EML4: variants seen among roughly 807,000 people sequenced by gnomAD.
The protein encoded by EML4 is echinoderm microtubule-associated protein-like 4.
In EML4, 72 loss-of-function variants were observed where a neutral mutation model predicts 129.0. The observed-to-expected ratio is 0.56, with a 90% confidence interval of 0.46 to 0.68. The LOEUF (loss-of-function observed/expected upper bound fraction) is 0.68. Ranked by LOEUF, EML4 falls within the 30% of genes least tolerant of loss-of-function variation. EML4 has a pLI of 0.00. For missense variants in EML4, 1,363 were observed against 1,190.6 expected (o/e 1.14, Z -2.13); for synonymous variants, 532 against 405.0 (o/e 1.31, Z -3.77).
chr2:42,243,929 A>T (rs1433287926), intron 1 of EML4, among the ~76,000 whole-genome samples: 1 of 152,192 alleles, frequency 6.6e-6, no homozygotes, highest in African/African-American at 2.4e-5. Flanking sequence ...AGTCATTTAA[A>T]TGATCTCAGT....
intron 1 of EML4, among the ~76,000 whole-genome samples, chr2:42,213,151 C>T (rs532517283): frequency 6.6e-6 from 1 of 152,200 alleles, no homozygotes; most frequent in Admixed American, 6.5e-5. Flanking sequence ...TAATTGAAGT[C>T]TACCTTAACG....
At chr2:42,187,045 G>A in intron 1 of EML4, among the ~76,000 whole-genome samples, 1 of 139,226 alleles carries the variant, frequency 7.2e-6, no homozygotes, top group South Asian at 2.5e-4. Context: ...TCCTTTTTTT[G>A]GAGCGGGGGG....
intron 1 of EML4, among the ~76,000 whole-genome samples, chr2:42,198,671 G>C (rs1314581755): frequency 6.6e-6 from 1 of 152,214 alleles, no homozygotes; most frequent in South Asian, 2.1e-4. Context: ...TGAGAAGTAT[G>C]AGGTGGAGGT....
chr2:42,239,776 G>T (rs1674900861), intron 1 of EML4, among the ~76,000 whole-genome samples: 1 of 150,280 alleles, frequency 6.7e-6, no homozygotes, highest in Non-Finnish European at 1.5e-5. Flanking sequence ...GCGGCGGGGG[G>T]TGGGGTGTAA....
At chr2:42,191,967 C>G (rs1247363262) in intron 1 of EML4, among the ~76,000 whole-genome samples, 2 of 151,984 alleles carry the variant, frequency 1.3e-5, no homozygotes, top group Non-Finnish European at 2.9e-5. Flanking sequence ...CGGTGAAACT[C>G]CATCCCTACT....
intron 6 of EML4, among the ~76,000 whole-genome samples, chr2:42,267,813 C>G (rs950375310): frequency 5.3e-5 from 8 of 152,134 alleles, no homozygotes; most frequent in Admixed American, 2.0e-4. Context: ...TCATTACTCT[C>G]TCCCCTAGTT....
intron 1 of EML4, among the ~76,000 whole-genome samples, chr2:42,212,761 C>A (rs1672959558): frequency 6.6e-6 from 1 of 152,140 alleles, no homozygotes; most frequent in South Asian, 2.1e-4. Context: ...TCCCAGGGCA[C>A]CACAGTACCA....
chr2:42,192,862 T>G (rs911174784), intron 1 of EML4, among the ~76,000 whole-genome samples: 1 of 152,118 alleles, frequency 6.6e-6, no homozygotes, highest in African/African-American at 2.4e-5. Flanking sequence ...GACCCTGAGA[T>G]TCTTGGTGCA....
chr2:42,208,846 G>T (rs1672720335), intron 1 of EML4, among the ~76,000 whole-genome samples: 1 of 151,196 alleles, frequency 6.6e-6, no homozygotes, highest in African/African-American at 2.4e-5. Context: ...TTAAAGCTTG[G>T]TAAATTATTA....
chr2:42,191,781 C>CGG (rs1558488187), intron 1 of EML4, among the ~76,000 whole-genome samples: 1 of 152,052 alleles, frequency 6.6e-6, no homozygotes, highest in African/African-American at 2.4e-5. Flanking sequence ...CTAGTTTTGC[C>CGG]GGGCGTGGTG....
intron 1 of EML4, among the ~76,000 whole-genome samples, chr2:42,237,057 G>C (rs1190653707): frequency 6.6e-6 from 1 of 152,082 alleles, no homozygotes; most frequent in African/African-American, 2.4e-5. Context: ...TCCCACCTCA[G>C]CCTCCTAAGT....
intron 19 of EML4, among the ~76,000 whole-genome samples, chr2:42,321,639 C>G (rs1427910201): frequency 6.6e-6 from 1 of 152,124 alleles, no homozygotes; most frequent in Non-Finnish European, 1.5e-5. Context: ...AAGCCCCACA[C>G]AATGACTTCT....
At chr2:42,280,739 C>A in intron 6 of EML4, 111 bp from the exon 7 acceptor site, 1 of 789,960 alleles carries the variant, frequency 1.3e-6, no homozygotes, top group Non-Finnish European at 2.0e-6. Flanking sequence ...GAGACTAAAA[C>A]TTTGAAGTAG....
chr2:42,171,970 G>C (rs1238933414), intron 1 of EML4, among the ~76,000 whole-genome samples: 1 of 152,074 alleles, frequency 6.6e-6, no homozygotes, highest in African/African-American at 2.4e-5. Flanking sequence ...AATTAGCCTA[G>C]AGCTTAGAGT....
chr2:42,312,946 C>CTTTTT (rs753939714), intron 17 of EML4, among the ~76,000 whole-genome samples: 1 of 114,302 alleles, frequency 8.7e-6, no homozygotes, highest in African/African-American at 3.7e-5. Flanking sequence ...CAATGTATAT[C>CTTTTT]TTTTTTTTTT....
chr2:42,283,648 T>A (rs1436040646), intron 8 of EML4, among the ~76,000 whole-genome samples: 2 of 152,166 alleles, frequency 1.3e-5, no homozygotes, highest in Non-Finnish European at 2.9e-5. Context: ...AGAAAAAAAT[T>A]AATAGATGAC....
At chr2:42,228,196 G>A (rs1674098734) in intron 1 of EML4, among the ~76,000 whole-genome samples, 1 of 151,050 alleles carries the variant, frequency 6.6e-6, no homozygotes, top group Non-Finnish European at 1.5e-5. Context: ...ACTCCAGCCT[G>A]GGTGACAGGG....
intron 1 of EML4, among the ~76,000 whole-genome samples, chr2:42,231,717 A>G (rs1046921579): frequency 2.0e-5 from 3 of 152,200 alleles, no homozygotes; most frequent in Non-Finnish European, 2.9e-5. Context: ...TGGGAGGCCA[A>G]GGTGGGTGGA....
At chr2:42,325,577 A>ATATC in intron 20 of EML4, 23 bp downstream of exon 20, 1 of 459,904 alleles carries the variant, frequency 2.2e-6, no homozygotes, top group South Asian at 3.5e-5. Flanking sequence ...GATTTTATAT[A>ATATC]TATATATATA....
Sources: gnomAD v4.1 joint callset for allele counts (sites outside exome capture counted in the v4.1 genomes callset) on GRCh38, gnomAD v4.1.1 for gene constraint, MANE v1.5 for transcripts, NCBI Gene and HGNC (gene_info 2026-07-23, HGNC 2026-07-21) for gene names.